CDC25C: variants seen among roughly 807,000 people sequenced by gnomAD.
CDC25C encodes M-phase inducer phosphatase 3.
Under a neutral mutation model 52.5 loss-of-function variants are expected in CDC25C, and 48 were observed. That is an observed-to-expected ratio of 0.91 (90% CI 0.72 to 1.16). The LOEUF (loss-of-function observed/expected upper bound fraction) is 1.16. CDC25C is among the 50% of genes most tolerant of loss of function. CDC25C has a pLI of 0.00. For synonymous variants in CDC25C, 187 were observed against 206.5 expected (o/e 0.91, Z 0.81); for missense variants, 510 against 566.1 (o/e 0.90, Z 1.01).
At chr5:138,296,779 G>T (rs1757229872) in intron 7 of CDC25C, among the ~76,000 whole-genome samples, 1 of 148,592 alleles carries the variant, frequency 6.7e-6, no homozygotes, top group Non-Finnish European at 1.5e-5. Flanking sequence ...CTAATTTTTT[G>T]TATTTTTAGT....
chr5:138,337,478 A>AAC (rs1760787949), intron 1 of CDC25C: 1 of 155,350 alleles, frequency 6.4e-6, no homozygotes, highest in African/African-American at 2.4e-5. Context: ...ACCTCCCCCC[A>AAC]GGCAAACGCA....
At position 138,285,420 on chromosome 5, in the gene CDC25C, T is replaced by C; in HGVS notation, c.*272A>G. The C allele has an allele frequency of 2.7e-6, 1 of 370,546 alleles. No homozygotes were observed. Among genetic ancestry groups the C allele is most frequent in the Middle Eastern group, 7.2e-4 (1 of 1,396 alleles). The allele number at this position is 370,546 out of a possible 1,614,324, so 23.0% of individuals were successfully genotyped here. A position where few individuals can be genotyped will look rare whatever the true frequency, so the allele number is the denominator to read the frequency against. On this transcript the variant is annotated 3_prime_UTR_variant, in exon 14 of 14. Coordinates refer to ENST00000323760, the MANE Select transcript of CDC25C (RefSeq NM_001790.5). ...CTGGCTTGTGAGAAGACATGAGGAG[T>C]TGGGAAAAGGAATGCCAGAGTTCCC...
At chr5:138,301,761 T>C (rs1260911607) in intron 7 of CDC25C, among the ~76,000 whole-genome samples, 1 of 146,914 alleles carries the variant, frequency 6.8e-6, no homozygotes, top group Non-Finnish European at 1.5e-5. Context: ...TGGAGTGCAG[T>C]GGTGCTATCT....
intron 8 of CDC25C, 109 bp downstream of exon 8, chr5:138,291,861 A>G: frequency 1.3e-6 from 1 of 784,932 alleles, no homozygotes; most frequent in Non-Finnish European, 1.9e-6. Context: ...GAAAAAGTAA[A>G]AGTAAAGAGG....
intron 2 of CDC25C, among the ~76,000 whole-genome samples, chr5:138,330,701 G>A (rs1032194146): frequency 3.2e-4 from 49 of 152,172 alleles, no homozygotes; most frequent in African/African-American, 1.1e-3. Context: ...TAGAGACGGC[G>A]TCTTGCCATG....
chr5:138,333,819 A>G (rs1317041807), upstream of CDC25C: 1 of 152,190 alleles, frequency 6.6e-6, no homozygotes, highest in Non-Finnish European at 1.5e-5. Context: ...GAAATATACT[A>G]AAATCTGAGC....
intron 7 of CDC25C, among the ~76,000 whole-genome samples, chr5:138,297,102 G>A (rs1445612512): frequency 2.7e-5 from 4 of 150,408 alleles, no homozygotes; most frequent in African/African-American, 7.3e-5. Flanking sequence ...TAGTAGAGAC[G>A]GGGTTTCACC....
intron 7 of CDC25C, among the ~76,000 whole-genome samples, chr5:138,301,492 A>T (rs939191642): frequency 2.6e-5 from 4 of 152,086 alleles, no homozygotes; most frequent in African/African-American, 9.7e-5. Context: ...AGGTGGCTTC[A>T]CCGGTGAATC....
upstream of CDC25C, among the ~76,000 whole-genome samples, chr5:138,334,756 C>A (rs1182026585): frequency 1.3e-5 from 2 of 152,172 alleles, no homozygotes; most frequent in Non-Finnish European, 2.9e-5. Context: ...TTGCAACATA[C>A]TTAGCTAATT....
Position 138,329,532 on chromosome 5 carries a change from CT to C in CDC25C, c.289+20del. ...TAAAAGTTATTCTTCCCTTTGAGGC[CT>C]TTATCTCCCTTCTCCCTACCAGTTT... On this transcript the variant is annotated intron_variant, in intron 3 of 13. Transcript: ENST00000323760. The C allele has an allele frequency of 6.8e-7, 1 of 1,480,118 alleles. No individual in the cohort carries two copies. The highest frequency in any genetic ancestry group is 9.4e-7 in the Non-Finnish European group (1 of 1,060,850). 91.7% of individuals were successfully genotyped at this position (1,480,118 alleles called of 1,614,324 possible).
chr5:138,336,045 G>T (rs1760677850), upstream of CDC25C, among the ~76,000 whole-genome samples: 1 of 151,538 alleles, frequency 6.6e-6, no homozygotes, highest in South Asian at 2.1e-4. Flanking sequence ...TTTGATGATT[G>T]TAAGAAAAAA....
chr5:138,337,971 C>A, exon 1 of CDC25C: 1 of 1,289,560 alleles, frequency 7.8e-7, no homozygotes, highest in Non-Finnish European at 1.0e-6. Flanking sequence ...TCCGACATGG[C>A]CTCCCCCGCG....
At chr5:138,327,766 G>T (rs569393912) in intron 4 of CDC25C, among the ~76,000 whole-genome samples, 11 of 151,882 alleles carry the variant, frequency 7.2e-5, no homozygotes, top group South Asian at 2.1e-4. Context: ...AAAAATTAAG[G>T]TCCAATGAAG....
Position 138,287,239 on chromosome 5 carries a change from T to G in CDC25C, c.956A>C (p.Gln319Pro). 6.2e-7 allele frequency: 1 copy of G among 1,613,958 alleles called. No homozygotes were observed. Residue 319 changes from glutamine (Q) to proline (P), a missense_variant, in exon 11 of 14, where the codon CAG (glutamine) becomes CCG (proline). Transcript: ENST00000323760. ...GACATAAAACTTCTCAATCAGACCCTGGAACTTCCCCGACAGTAAGGCAGC... is the reference window on the plus strand; with the variant it reads ...GACATAAAACTTCTCAATCAGACCCGGGAACTTCCCCGACAGTAAGGCAGC... Reference protein sequence around the residue: ...TVAALLSGKFQGLIEKFYVID... With the variant: ...TVAALLSGKFPGLIEKFYVID...
intron 7 of CDC25C, among the ~76,000 whole-genome samples, chr5:138,300,493 G>A (rs1023423541): frequency 6.6e-6 from 1 of 151,950 alleles, no homozygotes; most frequent in Admixed American, 6.6e-5. Context: ...TGTTCAGGAG[G>A]TTGAGGCTGC....
intron 7 of CDC25C, among the ~76,000 whole-genome samples, chr5:138,303,444 C>T (rs1335961480): frequency 6.6e-6 from 1 of 152,164 alleles, no homozygotes; most frequent in Non-Finnish European, 1.5e-5. Flanking sequence ...TGTCCTTCTG[C>T]TAACTCCTCT....
intron 7 of CDC25C, among the ~76,000 whole-genome samples, chr5:138,318,801 T>C (rs1452321977): frequency 2.0e-5 from 3 of 152,190 alleles, no homozygotes; most frequent in African/African-American, 7.2e-5. Flanking sequence ...TGAGTCTTTA[T>C]ATACCAAGTT....
intron 7 of CDC25C, among the ~76,000 whole-genome samples, chr5:138,299,184 C>A (rs1321991898): frequency 3.7e-5 from 4 of 109,472 alleles, no homozygotes; most frequent in Non-Finnish European, 5.4e-5. Context: ...CAGAGGGAGA[C>A]TCTGTCTGGA....
chr5:138,290,666 C>T lies in CDC25C; in HGVS notation c.837G>A (p.Gln279=). The T allele has an allele frequency of 6.2e-7, 1 of 1,610,304 alleles. No homozygotes were observed. Among genetic ancestry groups the T allele is most frequent in the South Asian group, 1.1e-5 (1 of 90,978 alleles). The change falls in exon 9 of 14, where the codon CAG becomes CAA. Residue 279 remains glutamine, a synonymous_variant. Coordinates refer to ENST00000323760, the MANE Select transcript of CDC25C (RefSeq NM_001790.5). ...TGGAAAAATCACCAATCAGGTGCCC[C>T]TGGTTAGAATCTTCCTCCAGCATCT... The part of the protein sequence containing the change: ...ITQMLEEDSN[Q]GHLIGDFSKV...
Sources: gnomAD v4.1 joint callset for allele counts (sites outside exome capture counted in the v4.1 genomes callset) on GRCh38, gnomAD v4.1.1 for gene constraint, MANE v1.5 for transcripts, NCBI Gene and HGNC (gene_info 2026-07-23, HGNC 2026-07-21) for gene names.